Variants in COL9A1 observed in about 807,000 individuals in gnomAD.
COL9A1 encodes the protein collagen type IX alpha 1 chain, also known as collagen alpha-1(IX) chain.
In COL9A1, 104 loss-of-function variants were observed where a neutral mutation model predicts 142.6. The ratio of observed to expected loss-of-function variants is 0.73; its 90% CI spans 0.62 to 0.86. The LOEUF (loss-of-function observed/expected upper bound fraction) is 0.86. Ranked by LOEUF, COL9A1 falls within the 40% of genes least tolerant of loss-of-function variation. COL9A1 has a pLI of 0.00. For synonymous variants in COL9A1, 466 were observed against 396.0 expected, an observed-to-expected ratio of 1.18 and a Z score of -2.10; for missense variants, 1,210 against 1,176.6, an observed-to-expected ratio of 1.03 and a Z score of -0.42.
At chr6:70,296,514 A>T (rs1221477785) in intron 4 of COL9A1, among the ~76,000 whole-genome samples, 1 of 152,116 alleles carries the variant, frequency 6.6e-6, no homozygotes, top group African/African-American at 2.4e-5. Flanking sequence ...TTTTTAATAT[A>T]CTTCCTGTTT....
chr6:70,269,563 A>G (rs1583299932), intron 16 of COL9A1, 70 bp downstream of exon 16: 2 of 1,068,274 alleles, frequency 1.9e-6, no homozygotes, highest in East Asian at 4.7e-5. Context: ...AATCTTTTAA[A>G]GAAAACTCAT....
Position 70,300,373 on chromosome 6 carries a change from A to T in COL9A1, c.102T>A (p.Asn34Lys), listed in dbSNP as rs1234716548. Residue 34 changes from asparagine (N) to lysine (K), a missense_variant, in exon 3 of 38, where the codon AAT becomes AAA. Transcript: ENST00000357250. ...GTTCATTTCCACCATTAGAATTGGA[A>T]TTGACAGGGAATCCTGCAAAAGAGA... ...AVKRRPRFPV[N>K]SNSNGGNELC... 6.2e-7 allele frequency: 1 copy of T among 1,612,692 alleles called. No individual in the cohort carries two copies. The highest frequency in any genetic ancestry group is 8.5e-7 in the Non-Finnish European group (1 of 1,179,046).
intron 36 of COL9A1, among the ~76,000 whole-genome samples, chr6:70,229,114 T>G: frequency 6.6e-6 from 1 of 152,136 alleles, no homozygotes; most frequent in East Asian, 1.9e-4. Flanking sequence ...CTAAGACCAG[T>G]GTCTTTGTTG....
intron 5 of COL9A1, among the ~76,000 whole-genome samples, chr6:70,287,099 T>C (rs934809522): frequency 2.0e-5 from 3 of 152,142 alleles, no homozygotes; most frequent in African/African-American, 7.2e-5. Flanking sequence ...CGCGCATATA[T>C]GTGCATGCAC....
chr6:70,233,338 C>T (rs12154117), intron 35 of COL9A1, among the ~76,000 whole-genome samples: 33,057 of 152,074 alleles, frequency 0.22, 4,260 homozygotes, highest in Non-Finnish European at 0.3. Flanking sequence ...GTTTTTTCCA[C>T]GCTTGAAATA....
At chr6:70,270,838 T>C (rs1483846122) in intron 14 of COL9A1, among the ~76,000 whole-genome samples, 2 of 152,158 alleles carry the variant, frequency 1.3e-5, no homozygotes, top group Non-Finnish European at 2.9e-5. Context: ...CCACAATCTA[T>C]CACTTGGTCT....
rs768737537 is a variant in COL9A1, at chr6:70,225,944, T to C, written c.2569A>G (p.Ile857Val). ...GRGPNGLPGA[I>V]GLPGDPGPAS... is the part of the protein sequence containing the mutation. ...ACAACACACTTACCTGGGAGACCTA[T>C]AGCTCCAGGCAAACCGTTGGGACCT... is the stretch of plus-strand genomic sequence containing the variant. The change falls in exon 37 of 38, where the codon ATA becomes GTA. Residue 857 changes from isoleucine to valine, a missense_variant. Transcript: ENST00000357250. The C allele has an allele frequency of 2.0e-5, 32 of 1,613,882 alleles. No homozygotes were observed. In the East Asian group the frequency reaches 5.3e-4, roughly 27 times the overall value.
intron 28 of COL9A1, 58 bp downstream of exon 28, chr6:70,252,062 G>A: frequency 1.3e-6 from 2 of 1,538,564 alleles, no homozygotes; most frequent in Non-Finnish European, 1.8e-6. Context: ...ATGAATGGAA[G>A]AACATCCAGC....
intron 20 of COL9A1, among the ~76,000 whole-genome samples, chr6:70,257,512 C>T (rs908686292): frequency 6.6e-6 from 1 of 152,016 alleles, no homozygotes; most frequent in Non-Finnish European, 1.5e-5. Flanking sequence ...ATTAATTAAC[C>T]GCCAGGTGGG....
chr6:70,282,976 C>T (rs1773266969), intron 6 of COL9A1, 58 bp from the exon 7 acceptor site: 6 of 1,614,108 alleles, frequency 3.7e-6, no homozygotes, highest in Non-Finnish European at 5.1e-6. Context: ...TCGATCGCAA[C>T]TTACTTGAGC....
At chr6:70,280,787 G>T (rs1428736989) in intron 10 of COL9A1, 25 bp downstream of exon 10, 14 of 1,606,230 alleles carry the variant, frequency 8.7e-6, no homozygotes, top group Admixed American at 1.7e-5. Flanking sequence ...CAGGCTGGGC[G>T]CCCTCCCAGC....
chr6:70,293,237 G>A (rs1397405432), intron 5 of COL9A1, among the ~76,000 whole-genome samples: 1 of 152,156 alleles, frequency 6.6e-6, no homozygotes, highest in Admixed American at 6.5e-5. Flanking sequence ...TTTATTTGTT[G>A]AGCTCTAAAT....
At chr6:70,297,898 A>C (rs1419935785) in intron 4 of COL9A1, among the ~76,000 whole-genome samples, 1 of 151,104 alleles carries the variant, frequency 6.6e-6, no homozygotes, top group Non-Finnish European at 1.5e-5. Flanking sequence ...CAAAAAAAAA[A>C]TAGAAAAGAT....
chr6:70,298,066 C>T (rs1423209132), intron 4 of COL9A1, among the ~76,000 whole-genome samples: 1 of 152,146 alleles, frequency 6.6e-6, no homozygotes, highest in Non-Finnish European at 1.5e-5. Flanking sequence ...CCTCGTATGG[C>T]CGAGAGCAAT....
At position 70,267,319 on chromosome 6, in the gene COL9A1, G is replaced by GTTTTTTTTTTTTTTT. The variant is rs1050364230; in HGVS notation, c.1288-550_1288-549insAAAAAAAAAAAAAAA. Among the ~76,000 whole-genome samples the GTTTTTTTTTTTTTTT allele has an allele frequency of 3.3e-3, 326 of 99,540 alleles. 14 individuals carry two copies. Among genetic ancestry groups the GTTTTTTTTTTTTTTT allele is most frequent in the Middle Eastern group, 5.6e-3 (1 of 180 alleles). The allele number at this position is 99,540 out of a possible 152,430, so 65.3% of individuals were successfully genotyped here. A position where few individuals can be genotyped will look rare whatever the true frequency, so the allele number is the denominator to read the frequency against. On this transcript the variant is annotated intron_variant, in intron 17 of 37. Coordinates refer to ENST00000357250, the MANE Select transcript of COL9A1 (RefSeq NM_001851.6). ...TACATTTTTTGTTGTTGTTTGTTTG[G>GTTTTTTTTTTTTTTT]TTTTTTTGTTTTTTTTTTTTGAGAT...
At chr6:70,227,093 G>A (rs1769276635) in intron 36 of COL9A1, among the ~76,000 whole-genome samples, 1 of 152,028 alleles carries the variant, frequency 6.6e-6, no homozygotes, top group African/African-American at 2.4e-5. Context: ...TCAGTAAATG[G>A]TATTGGAAGA....
At chr6:70,295,108 T>G (rs983871349) in intron 4 of COL9A1, among the ~76,000 whole-genome samples, 10 of 152,098 alleles carry the variant, frequency 6.6e-5, no homozygotes, top group Admixed American at 5.2e-4. Context: ...CAGACCCATA[T>G]AAGTATTTTG....
chr6:70,228,985 C>G (rs1721531588), intron 36 of COL9A1, among the ~76,000 whole-genome samples: 1 of 152,088 alleles, frequency 6.6e-6, no homozygotes, highest in African/African-American at 2.4e-5. Flanking sequence ...TGCCACATTT[C>G]TGAAGATATG....
chr6:70,293,631 T>TCACACA (rs3222430), intron 5 of COL9A1, among the ~76,000 whole-genome samples: 2,850 of 137,830 alleles, frequency 0.021, 29 homozygotes, highest in Middle Eastern at 0.045. Context: ...TCTCTCTCTT[T>TCACACA]CACACACACA....
Sources: allele counts gnomAD v4.1 joint callset (sites outside exome capture counted in the v4.1 genomes callset), GRCh38; gene constraint gnomAD v4.1.1; transcripts MANE v1.5; gene names NCBI Gene and HGNC (gene_info 2026-07-23, HGNC 2026-07-21).